The following PTPN11 variants were observed in gnomAD, a reference collection of about 807,000 sequenced individuals.
The protein encoded by PTPN11 is tyrosine-protein phosphatase non-receptor type 11.
PTPN11 carries 6 observed loss-of-function variants against 78.8 expected under a neutral mutation model. That is an observed-to-expected ratio of 0.08 (90% CI 0.04 to 0.15). PTPN11 has a LOEUF of 0.15. PTPN11 is among the 10% of genes least tolerant of loss of function. The pLI, the probability that PTPN11 is intolerant of heterozygous loss-of-function variation, is 1.00. For synonymous variants in PTPN11, 221 were observed against 263.5 expected, an observed-to-expected ratio of 0.84 and a Z score of 1.56; for missense variants, 386 against 744.8, an observed-to-expected ratio of 0.52 and a Z score of 5.61.
chr12:112,444,318 C>T (rs1307785366), intron 1 of PTPN11, among the ~76,000 whole-genome samples: 1 of 151,826 alleles, frequency 6.6e-6, no homozygotes, highest in African/African-American at 2.4e-5. Flanking sequence ...AGTGGAATTT[C>T]TGGATCATAT....
At chr12:112,467,412 G>C (rs1272399212) in intron 6 of PTPN11, among the ~76,000 whole-genome samples, 2 of 152,164 alleles carry the variant, frequency 1.3e-5, no homozygotes, top group Non-Finnish European at 2.9e-5. Flanking sequence ...GGAAGCTTCC[G>C]GTCATAGTGG....
intron 1 of PTPN11, among the ~76,000 whole-genome samples, chr12:112,437,397 G>C (rs1015477146): frequency 6.6e-6 from 1 of 152,130 alleles, no homozygotes; most frequent in Non-Finnish European, 1.5e-5. Context: ...CTGACCTTAA[G>C]TGATCCACCC....
intron 1 of PTPN11, among the ~76,000 whole-genome samples, chr12:112,442,851 T>A (rs867330894): frequency 1.4e-5 from 1 of 71,854 alleles, no homozygotes; most frequent in African/African-American, 6.7e-5. Context: ...TATATATATA[T>A]ATATATATAT....
chr12:112,503,802 G>A (rs1592863672), intron 14 of PTPN11, among the ~76,000 whole-genome samples: 2 of 152,094 alleles, frequency 1.3e-5, no homozygotes. Flanking sequence ...GGATACACTG[G>A]TCCTGGAGCC....
Position 112,454,735 on chromosome 12 carries a change from A to G in PTPN11, c.642+55A>G. 3.7e-6 allele frequency: 5 copies of G among 1,369,726 alleles called. No individual in the cohort carries two copies. In the South Asian group the frequency reaches 5.9e-5, roughly 16 times the overall value. 84.8% of individuals were successfully genotyped at this position (1,369,726 alleles called of 1,614,324 possible). A position where few individuals can be genotyped will look rare whatever the true frequency, so the allele number is the denominator to read the frequency against. ...CCTTAAAAACTTAAAACAAATCCTA[A>G]TAGAGAATTTTGCAAACATACAGAG... On this transcript the variant is annotated intron_variant, in intron 5 of 15. Coordinates refer to ENST00000351677, the MANE Select transcript of PTPN11 (RefSeq NM_002834.5).
intron 1 of PTPN11, among the ~76,000 whole-genome samples, chr12:112,431,759 T>C (rs995042233): frequency 6.6e-6 from 1 of 152,192 alleles, no homozygotes; most frequent in Admixed American, 6.6e-5. Flanking sequence ...TCCAAGGGCG[T>C]TCTGTGCTAA....
At position 112,442,830 on chromosome 12, in the gene PTPN11, TTATATATATATATATA is replaced by T. The variant is rs71086107; in HGVS notation, c.15-3413_15-3398del. On this transcript the variant is annotated intron_variant, in intron 1 of 15. Coordinates refer to ENST00000351677, the MANE Select transcript of PTPN11 (RefSeq NM_002834.5). The stretch of plus-strand genomic sequence containing the variant: ...CTCTCTCCTCTCTCTCTCTCTCTTT[TTATATATATATATATA>T]TATATATATATATATATATATATAT... 2.5e-3 allele frequency among the ~76,000 whole-genome samples: 108 copies of T among 43,530 alleles called. 1 individual carries two copies. Among genetic ancestry groups the T allele is most frequent in the South Asian group, 5.4e-3 (9 of 1,662 alleles). 28.6% of individuals were successfully genotyped at this position (43,530 alleles called of 152,430 possible).
Position 112,446,534 on chromosome 12 carries a change from G to A in PTPN11, c.137+136G>A. ...AGCCCTGGGCTGCCTTCAGGGTTTG[G>A]GGAGTGGCCTCCTGGACATTTAGCA... is the stretch of plus-strand genomic sequence containing the variant. On this transcript the variant is annotated intron_variant, in intron 2 of 15. Coordinates refer to ENST00000351677, the MANE Select transcript of PTPN11 (RefSeq NM_002834.5). The A allele has an allele frequency of 2.4e-6, 3 of 1,247,118 alleles. No individual in the cohort carries two copies. The South Asian group carries it at 3.6e-5, about 15-fold the overall frequency. 77.3% of individuals were successfully genotyped at this position (1,247,118 alleles called of 1,614,324 possible).
At chr12:112,419,298 A>C (rs2037480089) in intron 1 of PTPN11, among the ~76,000 whole-genome samples, 173 bp downstream of exon 1, 2 of 151,138 alleles carry the variant, frequency 1.3e-5, no homozygotes, top group African/African-American at 4.9e-5. Flanking sequence ...GGCCGGCCCC[A>C]CCGCGCCCCC....
chr12:112,493,988 C>T (rs1448179970), intron 13 of PTPN11, among the ~76,000 whole-genome samples: 1 of 152,160 alleles, frequency 6.6e-6, no homozygotes, highest in Admixed American at 6.6e-5. Context: ...CACGGTGGCT[C>T]ATGCCTGTAA....
intron 6 of PTPN11, among the ~76,000 whole-genome samples, chr12:112,459,479 G>A (rs1467623209): frequency 7.5e-6 from 1 of 133,368 alleles, no homozygotes; most frequent in Non-Finnish European, 1.6e-5. Context: ...TTTGTTTTTT[G>A]TTTTTGAGAT....
intron 1 of PTPN11, among the ~76,000 whole-genome samples, chr12:112,420,409 A>G (rs910006420): frequency 1.3e-5 from 2 of 151,420 alleles, no homozygotes; most frequent in Non-Finnish European, 2.9e-5. Flanking sequence ...GCAGTGGCGC[A>G]ATCTCGGCTC....
chr12:112,437,261 G>A (rs945578843), intron 1 of PTPN11, among the ~76,000 whole-genome samples: 5 of 151,968 alleles, frequency 3.3e-5, no homozygotes, highest in African/African-American at 9.7e-5. Flanking sequence ...GGGTTCAAGC[G>A]ATTCTGCTGC....
In PTPN11 at chr12:112,482,226, T is replaced by G; in HGVS notation, c.1224+21T>G. 2 of 1,610,156 alleles carry G rather than the reference T, an allele frequency of 1.2e-6. No individual in the cohort carries two copies. The highest frequency in any genetic ancestry group is 1.7e-6 in the Non-Finnish European group (2 of 1,177,052). On this transcript the variant is annotated intron_variant, in intron 10 of 15. Coordinates refer to ENST00000351677, the MANE Select transcript of PTPN11 (RefSeq NM_002834.5). The surrounding 1 kb of genome is among the most constrained non-coding windows in gnomAD (Gnocchi z 4.4). ...GACAAGTAAGTATATTGTCGTATTC[T>G]AGAGACTTTGGGAACTGTTGATGGT...
chr12:112,497,406 T>C (rs2038827132), intron 13 of PTPN11, among the ~76,000 whole-genome samples: 1 of 152,196 alleles, frequency 6.6e-6, no homozygotes, highest in South Asian at 2.1e-4. Context: ...GATTAGATGC[T>C]GAGGTTGTAA....
intron 13 of PTPN11, among the ~76,000 whole-genome samples, chr12:112,497,000 C>T (rs1017922647): frequency 6.6e-6 from 1 of 151,872 alleles, no homozygotes; most frequent in Non-Finnish European, 1.5e-5. Flanking sequence ...GGTAAAACCC[C>T]ATCTCTACAA....
chr12:112,496,060 A>G (rs1199449729), intron 13 of PTPN11, among the ~76,000 whole-genome samples: 1 of 152,230 alleles, frequency 6.6e-6, no homozygotes, highest in Non-Finnish European at 1.5e-5. Context: ...TAGTTTCTAT[A>G]TACATTATTT....
chr12:112,445,041 A>ATG (rs57095731), intron 1 of PTPN11, among the ~76,000 whole-genome samples: 119 of 151,808 alleles, frequency 7.8e-4, no homozygotes, highest in African/African-American at 2.4e-3. Context: ...GACCTAGGAA[A>ATG]TGTGTGTGTG....
chr12:112,488,036 G>C (rs1046385580), intron 11 of PTPN11, among the ~76,000 whole-genome samples: 1 of 152,008 alleles, frequency 6.6e-6, no homozygotes, highest in Non-Finnish European at 1.5e-5. Flanking sequence ...CTCCTGCCTC[G>C]GCCTCCCAAA....
Sources: gnomAD v4.1 joint callset for allele counts (sites outside exome capture counted in the v4.1 genomes callset) on GRCh38, gnomAD v4.1.1 for gene constraint, Gnocchi (gnomAD v3.1) non-coding constraint, MANE v1.5 for transcripts, NCBI Gene and HGNC (gene_info 2026-07-23, HGNC 2026-07-21) for gene names.